GALNT13: variants seen among roughly 807,000 people sequenced by gnomAD.
GALNT13 encodes UDP-GalNAc:polypeptide N-acetylgalactosaminyltransferase 13.
In GALNT13, 28 loss-of-function variants were observed where a neutral mutation model predicts 64.2. The observed-to-expected ratio is 0.44, with a 90% CI of 0.32 to 0.60. The LOEUF (loss-of-function observed/expected upper bound fraction) is 0.60. Ranked by LOEUF, GALNT13 falls within the 20% of genes least tolerant of loss-of-function variation. The pLI is 0.05. For missense variants in GALNT13, 577 were observed against 669.8 expected, an observed-to-expected ratio of 0.86 and a Z score of 1.53; for synonymous variants, 214 against 224.6, an observed-to-expected ratio of 0.95 and a Z score of 0.42.
the GALNT13 span, among the ~76,000 whole-genome samples, chr2:153,603,930 A>G: frequency 1.3e-5 from 2 of 151,996 alleles, no homozygotes; most frequent in Admixed American, 6.6e-5. Flanking sequence ...TGTGTATGTC[A>G]TTATCTGCTG....
chr2:153,903,085 C>G (rs1482148198), intron 2 of GALNT13, among the ~76,000 whole-genome samples: 5 of 151,782 alleles, frequency 3.3e-5, no homozygotes, highest in Admixed American at 6.6e-5. Flanking sequence ...AGAAATGTAC[C>G]TTATGGTTAG....
At chr2:153,248,797 C>T in the GALNT13 span, among the ~76,000 whole-genome samples, 1 of 124,508 alleles carries the variant, frequency 8.0e-6, no homozygotes, top group Non-Finnish European at 1.6e-5. Flanking sequence ...GCCTGGGCGA[C>T]TGAGCGAGAC....
the GALNT13 span, among the ~76,000 whole-genome samples, chr2:153,596,388 T>A: frequency 6.6e-6 from 1 of 152,164 alleles, no homozygotes; most frequent in Non-Finnish European, 1.5e-5. Context: ...GAATAACCTG[T>A]TATATAGAGA....
At chr2:154,408,547 A>G (rs181476707) in intron 10 of GALNT13, among the ~76,000 whole-genome samples, 4 of 152,228 alleles carry the variant, frequency 2.6e-5, no homozygotes, top group Non-Finnish European at 5.9e-5. Flanking sequence ...AAAAGAACAT[A>G]AATTTCAATA....
the GALNT13 span, among the ~76,000 whole-genome samples, chr2:153,504,710 A>G: frequency 2.0e-4 from 31 of 152,360 alleles, no homozygotes; most frequent in Admixed American, 3.9e-4. Context: ...ATGTTAAACC[A>G]TTCCAGCATC....
At chr2:153,827,479 G>C in the GALNT13 span, among the ~76,000 whole-genome samples, 1 of 152,076 alleles carries the variant, frequency 6.6e-6, no homozygotes, top group Non-Finnish European at 1.5e-5. Flanking sequence ...AAAAAAATTA[G>C]CTGGTCGTGG....
chr2:153,521,888 T>C, the GALNT13 span, among the ~76,000 whole-genome samples: 1 of 152,336 alleles, frequency 6.6e-6, no homozygotes, highest in East Asian at 1.9e-4. Context: ...CATTTCTTTT[T>C]AGTGCTGAAT....
the GALNT13 span, among the ~76,000 whole-genome samples, chr2:153,610,253 C>T: frequency 1.4e-3 from 219 of 152,006 alleles, 2 homozygotes; most frequent in East Asian, 0.015. Flanking sequence ...CGTACAAATA[C>T]AGAGAAAACA....
At chr2:153,678,153 A>T in the GALNT13 span, among the ~76,000 whole-genome samples, 1 of 107,720 alleles carries the variant, frequency 9.3e-6, no homozygotes, top group Admixed American at 1.1e-4. Context: ...CATCCGACAA[A>T]TGAATATATA....
intron 3 of GALNT13, among the ~76,000 whole-genome samples, chr2:154,032,885 T>C (rs945185644): frequency 4.7e-4 from 70 of 149,428 alleles, no homozygotes; most frequent in Non-Finnish European, 8.5e-4. Context: ...TTTTTTTTTT[T>C]ACATTGTCCT....
chr2:154,451,119 A>C lies in GALNT13; in HGVS notation c.*568A>C, dbSNP rs1045346362. On this transcript the variant is annotated 3_prime_UTR_variant, in exon 13 of 13. Transcript: ENST00000392825. ...ATTGAATTCATGGAGCCTTTACAGA[A>C]GCATCACATTTAAACCAATGTGAAT... The C allele has an allele frequency of 7.2e-5, 11 of 152,308 alleles. No homozygotes were observed. The highest frequency in any genetic ancestry group is 1.0e-4 in the Non-Finnish European group (7 of 68,058). 9.4% of individuals were successfully genotyped at this position (152,308 alleles called of 1,614,324 possible).
chr2:153,096,505 T>C, the GALNT13 span, among the ~76,000 whole-genome samples: 1 of 152,210 alleles, frequency 6.6e-6, no homozygotes, highest in Non-Finnish European at 1.5e-5. Context: ...TCTATTTCTC[T>C]CTTTAGCTCT....
At chr2:153,735,080 G>T in the GALNT13 span, among the ~76,000 whole-genome samples, 3 of 152,286 alleles carry the variant, frequency 2.0e-5, no homozygotes, top group South Asian at 6.2e-4. Flanking sequence ...AGTCACAGCT[G>T]CAGGGCTTCC....
intron 3 of GALNT13, among the ~76,000 whole-genome samples, chr2:153,986,473 T>C (rs1325397940): frequency 3.3e-5 from 5 of 152,030 alleles, no homozygotes; most frequent in African/African-American, 1.2e-4. Flanking sequence ...GATTTGATAG[T>C]TATGCTTTTG....
At chr2:153,493,250 T>C in the GALNT13 span, among the ~76,000 whole-genome samples, 1 of 151,384 alleles carries the variant, frequency 6.6e-6, no homozygotes, top group Admixed American at 6.6e-5. Flanking sequence ...ATCAACAAAA[T>C]TGATAAGCAC....
At chr2:154,300,221 G>C (rs1693360329) in intron 8 of GALNT13, among the ~76,000 whole-genome samples, 1 of 149,868 alleles carries the variant, frequency 6.7e-6, no homozygotes, top group African/African-American at 2.5e-5. Flanking sequence ...TCTTGCCTCA[G>C]CCTCCTGAGT....
the GALNT13 span, among the ~76,000 whole-genome samples, chr2:153,747,347 C>T: frequency 6.6e-6 from 1 of 151,718 alleles, no homozygotes; most frequent in South Asian, 2.1e-4. Flanking sequence ...CACATCCCAC[C>T]CCCTGAAACC....
At chr2:153,722,886 A>C in the GALNT13 span, among the ~76,000 whole-genome samples, 11,621 of 148,832 alleles carry the variant, frequency 0.078, 558 homozygotes, top group South Asian at 0.16. Context: ...CAAGGAGGAA[A>C]TGGTACCATT....
At chr2:154,088,891 T>G in intron 3 of GALNT13, among the ~76,000 whole-genome samples, 1 of 152,150 alleles carries the variant, frequency 6.6e-6, no homozygotes, top group East Asian at 1.9e-4. Flanking sequence ...GGGCATAAAT[T>G]TATCCAGAGT....
Sources: gnomAD v4.1 joint callset for allele counts (sites outside exome capture counted in the v4.1 genomes callset) on GRCh38, gnomAD v4.1.1 for gene constraint, MANE v1.5 for transcripts, NCBI Gene and HGNC (gene_info 2026-07-23, HGNC 2026-07-21) for gene names.